The following FANK1 variants were observed in gnomAD, a reference collection of about 807,000 sequenced individuals.
FANK1 encodes fibronectin type III and ankyrin repeat domains 1, also known as fibronectin type 3 and ankyrin repeat domains protein 1.
In FANK1, 44 loss-of-function variants were observed where a neutral mutation model predicts 45.3. The ratio of observed to expected loss-of-function variants is 0.97; its 90% CI spans 0.76 to 1.25. FANK1 has a LOEUF of 1.25. Ranked by LOEUF, FANK1 falls within the 50% of genes most tolerant of loss-of-function variation. FANK1 has a pLI of 0.00. For missense variants in FANK1, 391 were observed against 424.4 expected (o/e 0.92, Z 0.69); for synonymous variants, 149 against 152.5 (o/e 0.98, Z 0.17).
In FANK1 at chr10:125,968,833, T is replaced by C. The variant is rs549811355; in HGVS notation, c.14-11328T>C. Among the ~76,000 whole-genome samples the C allele has an allele frequency of 4.6e-5, 7 of 152,314 alleles. No individual in the cohort carries two copies. The East Asian group carries it at 1.4e-3, about 29-fold the overall frequency. The stretch of plus-strand genomic sequence containing the variant: ...AAACCTATAATTTGTGAGTGATACC[T>C]TTTTACTATGGTTTCTGATGTACTT... On this transcript the variant is annotated intron_variant, in intron 1 of 10. Transcript: ENST00000368693.
intron 1 of FANK1, among the ~76,000 whole-genome samples, chr10:125,959,681 C>T (rs541901777): frequency 4.6e-5 from 7 of 152,298 alleles, no homozygotes; most frequent in African/African-American, 1.7e-4. Context: ...TTTTCCCCAG[C>T]AATTTGTACT....
At chr10:125,917,363 T>C (rs1946530103) in intron 1 of FANK1, among the ~76,000 whole-genome samples, 1 of 152,240 alleles carries the variant, frequency 6.6e-6, no homozygotes, top group South Asian at 2.1e-4. Context: ...CCTGTGGTTC[T>C]GCTATTGCCC....
At chr10:125,936,578 T>C (rs547550580) in intron 1 of FANK1, among the ~76,000 whole-genome samples, 1 of 152,286 alleles carries the variant, frequency 6.6e-6, no homozygotes, top group South Asian at 2.1e-4. Flanking sequence ...TTGAACTCTG[T>C]GTAAATAGAA....
chr10:126,005,153 A>C, intron 7 of FANK1, 104 bp downstream of exon 7: 1 of 1,388,812 alleles, frequency 7.2e-7, no homozygotes, highest in Non-Finnish European at 9.7e-7. Flanking sequence ...AACCTTAGAA[A>C]TGCTGGAGAA....
Position 125,936,495 on chromosome 10 carries a change from G to A in FANK1, c.13+39840G>A, listed in dbSNP as rs1008262641. Among the ~76,000 whole-genome samples the A allele has an allele frequency of 9.3e-5, 14 of 150,080 alleles. No individual in the cohort carries two copies. In the East Asian group the frequency reaches 1.6e-3, roughly 17 times the overall value. ...GAAGTACCTCCTCTTCTTCCTTTCC[G>A]GATTCAATCTCCATGCTTGCCAAGG... On this transcript the variant is annotated intron_variant, in intron 1 of 10. Transcript: ENST00000368693.
intron 1 of FANK1, among the ~76,000 whole-genome samples, chr10:125,978,497 C>T (rs1321320287): frequency 1.3e-5 from 2 of 151,618 alleles, no homozygotes; most frequent in African/African-American, 4.8e-5. Flanking sequence ...CAATGTCCAT[C>T]TGTCAGATGG....
Position 125,980,099 on chromosome 10 carries a change from C to T in FANK1, c.14-62C>T, listed in dbSNP as rs578006612. On this transcript the variant is annotated intron_variant, in intron 1 of 10. Transcript: ENST00000368693. ...GATCACCAAGCAGCTGTAATCCACTCGACTGGTCTCTCTTCCTTATGGAAA... is the reference window on the plus strand; with the variant it reads ...GATCACCAAGCAGCTGTAATCCACTTGACTGGTCTCTCTTCCTTATGGAAA... The T allele has an allele frequency of 1.5e-4, 235 of 1,540,472 alleles. 1 individual carries two copies. The Middle Eastern group carries it at 2.4e-3, about 16-fold the overall frequency.
intron 1 of FANK1, among the ~76,000 whole-genome samples, chr10:125,943,627 A>T (rs944994805): frequency 6.6e-6 from 1 of 152,196 alleles, no homozygotes; most frequent in Admixed American, 6.5e-5. Flanking sequence ...ATTTTGAATG[A>T]ACTCTCTATT....
intron 1 of FANK1, among the ~76,000 whole-genome samples, chr10:125,976,119 A>AT (rs34301072): frequency 0.38 from 54,627 of 145,668 alleles, 10,120 homozygotes; most frequent in South Asian, 0.45. Flanking sequence ...TTGGTTGAAG[A>AT]TTTTTTTTTT....
rs78510482 is a variant in FANK1, at chr10:125,908,781, C to A, written c.13+12126C>A. On this transcript the variant is annotated intron_variant, in intron 1 of 10. Transcript: ENST00000368693. Reference sequence around the variant, plus strand: ...AATAAATTTAAAAAAAGTAAAAAAACCACTTAAAAAAGAACATGTATTTTC... The same window carrying A: ...AATAAATTTAAAAAAAGTAAAAAAAACACTTAAAAAAGAACATGTATTTTC... Among the ~76,000 whole-genome samples, 754 of 152,046 alleles carry A rather than the reference C, an allele frequency of 5.0e-3. 41 individuals are homozygous for A. In the East Asian group the frequency reaches 0.1, roughly 20 times the overall value.
intron 1 of FANK1, among the ~76,000 whole-genome samples, chr10:125,972,540 T>A (rs1336827391): frequency 6.6e-6 from 1 of 152,216 alleles, no homozygotes; most frequent in Non-Finnish European, 1.5e-5. Flanking sequence ...TCCCATCCAC[T>A]ATTTTTTGGC....
chr10:125,979,333 A>G (rs1951050515), intron 1 of FANK1, among the ~76,000 whole-genome samples: 1 of 152,176 alleles, frequency 6.6e-6, no homozygotes, highest in Non-Finnish European at 1.5e-5. Context: ...CTAGTCAGCC[A>G]TCTTGGCCAC....
intron 1 of FANK1, among the ~76,000 whole-genome samples, chr10:125,968,424 T>A (rs898202878): frequency 6.6e-6 from 1 of 152,226 alleles, no homozygotes; most frequent in African/African-American, 2.4e-5. Context: ...CAGATGCCCC[T>A]TGCCAGTGAA....
intron 1 of FANK1, among the ~76,000 whole-genome samples, chr10:125,912,138 C>T (rs552917624): frequency 4.6e-5 from 7 of 152,318 alleles, no homozygotes; most frequent in South Asian, 2.1e-4. Flanking sequence ...AACAAACACA[C>T]AGCACGTGTG....
Position 125,988,558 on chromosome 10 carries a change from G to T in FANK1, c.199G>T (p.Ala67Ser). The change falls in exon 3 of 11, where the codon GCA (alanine) becomes TCA (serine). Residue 67 changes from alanine to serine, a missense_variant. Ala to Ser is a moderately conservative substitution (Grantham distance 99, BLOSUM62 1). Transcript: ENST00000368693. ...TTGTCTCCTCCTGTCTAGGGGATAT[G>T]CAACGAAGCATGTTGTTGAAGGTCT... ...HTYGIIYTGY[A>S]TKHVVEGLEP... 1.2e-6 allele frequency: 2 copies of T among 1,614,124 alleles called. No individual in the cohort carries two copies. Among genetic ancestry groups the T allele is most frequent in the Non-Finnish European group, 1.7e-6 (2 of 1,179,990 alleles).
intron 2 of FANK1, among the ~76,000 whole-genome samples, chr10:125,986,401 CAA>C (rs1383502091): frequency 8.5e-5 from 13 of 152,112 alleles, no homozygotes; most frequent in Admixed American, 2.6e-4. Context: ...CACATTTTAA[CAA>C]AGGACAGAAA....
At chr10:125,932,019 G>T (rs547286726) in intron 1 of FANK1, among the ~76,000 whole-genome samples, 1 of 152,086 alleles carries the variant, frequency 6.6e-6, no homozygotes, top group African/African-American at 2.4e-5. Context: ...AAGTGTTTGG[G>T]CTTATTTTTG....
intron 1 of FANK1, among the ~76,000 whole-genome samples, chr10:125,924,844 C>G (rs1442545486): frequency 2.6e-5 from 4 of 152,104 alleles, no homozygotes; most frequent in Non-Finnish European, 5.9e-5. Flanking sequence ...TCATTTTCCC[C>G]TTATGAATGG....
chr10:126,006,821 C>T (rs1441749209), intron 7 of FANK1, among the ~76,000 whole-genome samples: 3 of 152,218 alleles, frequency 2.0e-5, no homozygotes, highest in Non-Finnish European at 4.4e-5. Flanking sequence ...GATTGTGCCA[C>T]TGCACTCCAG....
Sources: allele counts gnomAD v4.1 joint callset (sites outside exome capture counted in the v4.1 genomes callset), GRCh38; gene constraint gnomAD v4.1.1; transcripts MANE v1.5; gene names NCBI Gene and HGNC (gene_info 2026-07-23, HGNC 2026-07-21).